Variants in DPH6 observed in about 807,000 individuals in gnomAD.
The protein encoded by DPH6 is diphthamine biosynthesis 6, also known as diphthine--ammonia ligase.
Under a neutral mutation model 38.2 loss-of-function variants are expected in DPH6, and 33 were observed. That is an observed-to-expected ratio of 0.86 (90% confidence interval 0.65 to 1.15). The LOEUF (loss-of-function observed/expected upper bound fraction) is 1.15, where lower values mean the gene tolerates loss of function less well. DPH6 is among the 50% of genes most tolerant of loss of function. The pLI is 0.00. For synonymous variants in DPH6, 108 were observed against 103.0 expected, an observed-to-expected ratio of 1.05 and a Z score of -0.30; for missense variants, 325 against 320.0, an observed-to-expected ratio of 1.02 and a Z score of -0.12.
At chr15:35,538,119 T>G (rs568642138) in intron 3 of DPH6, 155 bp downstream of exon 3, 1 of 506,136 alleles carries the variant, frequency 2.0e-6, no homozygotes, top group African/African-American at 2.0e-5. Context: ...TACTAATCAT[T>G]TGCAGTTTTT....
At chr15:35,155,456 A>C in the DPH6 span, among the ~76,000 whole-genome samples, 4 of 152,180 alleles carry the variant, frequency 2.6e-5, no homozygotes, top group East Asian at 7.7e-4. Flanking sequence ...TCCAATTTGA[A>C]ATGATTAGAA....
At chr15:35,468,304 C>T (rs1395004330) in intron 3 of DPH6, among the ~76,000 whole-genome samples, 1 of 152,084 alleles carries the variant, frequency 6.6e-6, no homozygotes, top group African/African-American at 2.4e-5. Flanking sequence ...CCAGATTTCT[C>T]AATAATAAAT....
At chr15:35,252,950 A>G (rs1327964862) in intron 3 of DPH6, among the ~76,000 whole-genome samples, 1 of 152,218 alleles carries the variant, frequency 6.6e-6, no homozygotes, top group African/African-American at 2.4e-5. Context: ...ATGAGCTTCT[A>G]TGTGTTTTTA....
chr15:35,387,749 C>T (rs1276481332), intron 6 of DPH6, among the ~76,000 whole-genome samples: 11 of 152,068 alleles, frequency 7.2e-5, no homozygotes, highest in South Asian at 2.1e-4. Flanking sequence ...TGGGCTGAGA[C>T]GATGGGGTTT....
chr15:35,498,174 A>G (rs2054581367), intron 3 of DPH6, among the ~76,000 whole-genome samples: 1 of 152,152 alleles, frequency 6.6e-6, no homozygotes, highest in African/African-American at 2.4e-5. Context: ...CAACCTTAAT[A>G]CTATCTCAAA....
intron 3 of DPH6, among the ~76,000 whole-genome samples, chr15:35,524,393 C>T (rs2054968281): frequency 6.6e-6 from 1 of 152,136 alleles, no homozygotes; most frequent in African/African-American, 2.4e-5. Flanking sequence ...ACAGACAGAT[C>T]ACTTTGATCC....
intron 3 of DPH6, among the ~76,000 whole-genome samples, chr15:35,507,388 T>G (rs1203483168): frequency 1.3e-5 from 2 of 152,052 alleles, no homozygotes; most frequent in Non-Finnish European, 2.9e-5. Flanking sequence ...AACAGTAATT[T>G]TAATGAAAAT....
At chr15:35,347,876 T>A (rs2052476139) in intron 3 of DPH6, among the ~76,000 whole-genome samples, 1 of 152,182 alleles carries the variant, frequency 6.6e-6, no homozygotes, top group Non-Finnish European at 1.5e-5. Flanking sequence ...ATTGTTGTTT[T>A]GATTTGCATT....
chr15:35,494,095 G>C (rs1220748141), intron 3 of DPH6, among the ~76,000 whole-genome samples: 4 of 151,910 alleles, frequency 2.6e-5, no homozygotes, highest in Non-Finnish European at 5.9e-5. Context: ...AAAAGAGTGG[G>C]ATAAAATAGT....
chr15:35,492,898 A>G (rs2054503234), intron 3 of DPH6, among the ~76,000 whole-genome samples: 1 of 152,186 alleles, frequency 6.6e-6, no homozygotes, highest in Non-Finnish European at 1.5e-5. Context: ...GCAAAGGTAT[A>G]GAAAAAAAAG....
chr15:35,237,484 CCT>C (rs2051561793), intron 3 of DPH6: 10 of 1,578,820 alleles, frequency 6.3e-6, no homozygotes, highest in Non-Finnish European at 8.7e-6. Flanking sequence ...CCAACGTAGG[CCT>C]CACCTCAACT....
intron 6 of DPH6, among the ~76,000 whole-genome samples, chr15:35,405,163 C>T (rs1305626536): frequency 2.6e-5 from 4 of 151,960 alleles, no homozygotes; most frequent in Non-Finnish European, 4.4e-5. Context: ...AATGCAATCC[C>T]TCCAGTTTTG....
At chr15:35,482,838 T>G (rs1205942230) in intron 3 of DPH6, among the ~76,000 whole-genome samples, 1 of 151,994 alleles carries the variant, frequency 6.6e-6, no homozygotes, top group African/African-American at 2.4e-5. Flanking sequence ...AAATTAGACT[T>G]CATCAAAATT....
intron 5 of DPH6, among the ~76,000 whole-genome samples, chr15:35,431,787 G>C (rs1595557358): frequency 6.6e-6 from 1 of 152,174 alleles, no homozygotes; most frequent in Admixed American, 6.5e-5. Flanking sequence ...CCAATCACTT[G>C]GCAAAGTTTT....
At chr15:35,400,637 G>T (rs1459481069) in intron 6 of DPH6, 4 of 548,364 alleles carry the variant, frequency 7.3e-6, no homozygotes, top group Admixed American at 2.8e-5. Flanking sequence ...TAGCCTTTCT[G>T]CCAGTGGATG....
chr15:35,304,793 T>TAA (rs61656698), intron 3 of DPH6, among the ~76,000 whole-genome samples: 9 of 137,532 alleles, frequency 6.5e-5, no homozygotes, highest in East Asian at 6.2e-4. Flanking sequence ...ATTTGGATGG[T>TAA]AAAAAAAAAA....
intron 3 of DPH6, among the ~76,000 whole-genome samples, chr15:35,363,655 C>T (rs75638290): frequency 0.03 from 4,498 of 151,836 alleles, 223 homozygotes; most frequent in African/African-American, 0.1. Flanking sequence ...ATAATCTTAC[C>T]CCATGATTTG....
chr15:35,277,168 G>C (rs1296055074), intron 3 of DPH6, among the ~76,000 whole-genome samples: 1 of 152,076 alleles, frequency 6.6e-6, no homozygotes, highest in Non-Finnish European at 1.5e-5. Flanking sequence ...ATATTCCTAA[G>C]TATTTCTTTT....
intron 3 of DPH6, among the ~76,000 whole-genome samples, chr15:35,221,529 A>C (rs1383160838): frequency 6.6e-6 from 1 of 152,182 alleles, no homozygotes; most frequent in Non-Finnish European, 1.5e-5. Flanking sequence ...AGTTATCACC[A>C]TGTGGACCAT....
Sources: gnomAD v4.1 joint callset for allele counts (sites outside exome capture counted in the v4.1 genomes callset) on GRCh38, gnomAD v4.1.1 for gene constraint, MANE v1.5 for transcripts, NCBI Gene and HGNC (gene_info 2026-07-23, HGNC 2026-07-21) for gene names.